CHD7: variants seen among roughly 807,000 people sequenced by gnomAD.
CHD7 encodes the protein chromodomain helicase DNA binding protein 7.
Under a neutral mutation model 307.3 loss-of-function variants are expected in CHD7, and 24 were observed. The ratio of observed to expected loss-of-function variants is 0.08; its 90% CI spans 0.06 to 0.11. The LOEUF (loss-of-function observed/expected upper bound fraction) is 0.11. Among genes scored for constraint, CHD7 ranks in the 10% least tolerant of loss-of-function variants. CHD7 has a pLI of 1.00. For missense variants in CHD7, 3,106 were observed against 3,727.1 expected (o/e 0.83, Z 4.34); for synonymous variants, 1,363 against 1,349.9 (o/e 1.01, Z -0.21).
At position 60,856,872 on chromosome 8, in the gene CHD7, G is replaced by A. The variant is rs938384668; in HGVS notation, c.7592G>A (p.Arg2531Gln). 24 of 1,551,184 alleles carry A rather than the reference G, an allele frequency of 1.5e-5. No homozygotes were observed. In the Admixed American group the frequency reaches 3.8e-4, roughly 25 times the overall value. Residue 2531 changes from arginine to glutamine, a missense_variant, in exon 34 of 38, where the codon CGG (arginine) becomes CAG (glutamine). Coordinates refer to ENST00000423902, the MANE Select transcript of CHD7 (RefSeq NM_017780.4). ...GLDLLFMSHK[R>Q]TSLSAEDAEV... Reference sequence around the variant, plus strand: ...GATCTGCTTTTCATGAGCCACAAACGGACGTCATTGAGTGCAGTAAGTTGG... The same window carrying A: ...GATCTGCTTTTCATGAGCCACAAACAGACGTCATTGAGTGCAGTAAGTTGG...
intron 4 of CHD7, among the ~76,000 whole-genome samples, chr8:60,799,444 C>T (rs985355521): frequency 6.6e-6 from 1 of 152,142 alleles, no homozygotes; most frequent in Non-Finnish European, 1.5e-5. Flanking sequence ...ATGGTAAAAA[C>T]ATTATATTTT....
intron 7 of CHD7, among the ~76,000 whole-genome samples, chr8:60,813,227 A>C (rs7834977): frequency 2.0e-5 from 3 of 152,100 alleles, no homozygotes; most frequent in Admixed American, 6.5e-5. Context: ...TGAAGACAAT[A>C]TGTTGGCTTC....
chr8:60,790,620 T>C (rs57279001), intron 3 of CHD7, among the ~76,000 whole-genome samples: 2,499 of 152,284 alleles, frequency 0.016, 61 homozygotes, highest in African/African-American at 0.057. Context: ...ATGTTTCTGC[T>C]GTTGTTATTG....
At chr8:60,772,600 T>C (rs551925939) in intron 2 of CHD7, among the ~76,000 whole-genome samples, 1 of 152,174 alleles carries the variant, frequency 6.6e-6, no homozygotes. Context: ...AGACACCTCT[T>C]TGAGAACACT....
intron 2 of CHD7, among the ~76,000 whole-genome samples, chr8:60,772,534 C>T: frequency 6.6e-6 from 1 of 152,176 alleles, no homozygotes. Flanking sequence ...CAAGTTTGAT[C>T]CTTAGTAAGC....
rs773259542 is a variant in CHD7 at position 60,822,062 on chromosome 8, T to A, written c.2874T>A (p.Ser958Arg). ...PPADDWKKSESSREYKNNNKL... is the reference protein window; with the variant it reads ...PPADDWKKSERSREYKNNNKL... ...CTGATGATTGGAAGAAATCGGAGAGTTCCAGGGAGTATAAAAACAATAACA... is the reference window on the plus strand; with the variant it reads ...CTGATGATTGGAAGAAATCGGAGAGATCCAGGGAGTATAAAAACAATAACA... The change falls in exon 11 of 38, where the codon AGT becomes AGA. Residue 958 changes from serine (S) to arginine (R), a missense_variant. By Grantham distance (110) the Ser-to-Arg change is moderately radical (BLOSUM62 -1). Coordinates refer to ENST00000423902, the MANE Select transcript of CHD7 (RefSeq NM_017780.4). 3 of 1,613,704 alleles carry A rather than the reference T, an allele frequency of 1.9e-6. No individual in the cohort carries two copies. In the South Asian group the frequency reaches 3.3e-5, roughly 18 times the overall value.
chr8:60,819,816 C>G (rs999516357), intron 8 of CHD7, among the ~76,000 whole-genome samples, 191 bp from the exon 9 acceptor site: 1 of 152,188 alleles, frequency 6.6e-6, no homozygotes, highest in African/African-American at 2.4e-5. Flanking sequence ...TTAACGAAGT[C>G]TGAGAAGTCT....
At chr8:60,793,190 T>C (rs532290467) in intron 3 of CHD7, among the ~76,000 whole-genome samples, 1 of 152,276 alleles carries the variant, frequency 6.6e-6, no homozygotes, top group African/African-American at 2.4e-5. Context: ...TAGGGGAGAC[T>C]TCTGTCCATG....
chr8:60,684,400 A>G (rs555642651), intron 1 of CHD7, among the ~76,000 whole-genome samples: 12 of 152,284 alleles, frequency 7.9e-5, no homozygotes, highest in South Asian at 2.1e-4. Context: ...GAAAGATGCA[A>G]TGCTATGAAT....
At chr8:60,702,006 A>C (rs539335943) in intron 1 of CHD7, among the ~76,000 whole-genome samples, 1 of 152,368 alleles carries the variant, frequency 6.6e-6, no homozygotes, top group South Asian at 2.1e-4. Context: ...AACAAAATAG[A>C]GAAAAAACAT....
chr8:60,765,836 T>A (rs1024546034), intron 2 of CHD7, among the ~76,000 whole-genome samples: 1 of 152,134 alleles, frequency 6.6e-6, no homozygotes, highest in African/African-American at 2.4e-5. Context: ...ACCAGAAGAT[T>A]TGCTGACGAA....
intron 16 of CHD7, 86 bp from the exon 17 acceptor site, chr8:60,836,731 A>G (rs1383865736): frequency 1.1e-5 from 10 of 944,870 alleles, no homozygotes; most frequent in Admixed American, 2.3e-5. Flanking sequence ...TATATATTCC[A>G]TATTGTAATA....
intron 32 of CHD7, among the ~76,000 whole-genome samples, chr8:60,855,485 C>T (rs987088046): frequency 3.3e-5 from 5 of 152,204 alleles, no homozygotes; most frequent in African/African-American, 1.2e-4. Context: ...TTGGTGCCCA[C>T]TTCATAATGC....
Position 60,818,798 on chromosome 8 carries a change from G to A in CHD7, c.2614-1209G>A, listed in dbSNP as rs374675350. Among the ~76,000 whole-genome samples, 5 of 152,280 alleles carry A rather than the reference G, an allele frequency of 3.3e-5. No individual in the cohort carries two copies. In the East Asian group the frequency reaches 9.6e-4, roughly 29 times the overall value. ...CACCTGCAATTCAAGGGATAAGAAT[G>A]GTGTCTAAGTGACTTCTAGTTTACC... On this transcript the variant is annotated intron_variant, in intron 8 of 37. Coordinates refer to ENST00000423902, the MANE Select transcript of CHD7 (RefSeq NM_017780.4).
At chr8:60,790,648 G>C (rs924191282) in intron 3 of CHD7, among the ~76,000 whole-genome samples, 20 of 152,126 alleles carry the variant, frequency 1.3e-4, no homozygotes, top group African/African-American at 4.8e-4. Context: ...TTGTACTGTT[G>C]TAACTAGACC....
intron 5 of CHD7, among the ~76,000 whole-genome samples, chr8:60,801,161 A>G (rs1377813667): frequency 2.0e-5 from 3 of 152,218 alleles, no homozygotes; most frequent in African/African-American, 7.2e-5. Flanking sequence ...GATGCCTACT[A>G]TAGCAGAATG....
chr8:60,802,982 C>T (rs1330654399), intron 6 of CHD7, among the ~76,000 whole-genome samples: 2 of 151,998 alleles, frequency 1.3e-5, no homozygotes, highest in Non-Finnish European at 1.5e-5. Flanking sequence ...ATAGGGGATA[C>T]GGGGTATGGA....
chr8:60,762,993 G>C (rs773574935), intron 2 of CHD7, among the ~76,000 whole-genome samples: 1 of 151,990 alleles, frequency 6.6e-6, no homozygotes, highest in African/African-American at 2.4e-5. Context: ...AGGGTTGGTG[G>C]GGGGGCGGCA....
chr8:60,711,383 A>T (rs1807274346), intron 1 of CHD7, among the ~76,000 whole-genome samples: 1 of 152,210 alleles, frequency 6.6e-6, no homozygotes, highest in Non-Finnish European at 1.5e-5. Context: ...CTCATCAGAT[A>T]CAGCTTGGCG....
Sources: allele counts gnomAD v4.1 joint callset (sites outside exome capture counted in the v4.1 genomes callset), GRCh38; gene constraint gnomAD v4.1.1; transcripts MANE v1.5; gene names NCBI Gene and HGNC (gene_info 2026-07-23, HGNC 2026-07-21).